Variants in EPHA4 observed in about 807,000 individuals in gnomAD.
EPHA4 encodes the protein ephrin type-A receptor 4.
In EPHA4, 19 loss-of-function variants were observed where a neutral mutation model predicts 108.3. The ratio of observed to expected loss-of-function variants is 0.18; its 90% CI spans 0.12 to 0.26. The LOEUF is 0.26. EPHA4 is among the 10% of genes least tolerant of loss of function. The pLI is 1.00. For synonymous variants in EPHA4, 449 were observed against 455.5 expected (o/e 0.99, Z 0.18); for missense variants, 917 against 1,254.0 (o/e 0.73, Z 4.06).
At chr2:221,436,354 C>T (rs773521217) in intron 13 of EPHA4, 45 bp downstream of exon 13, 9 of 1,570,626 alleles carry the variant, frequency 5.7e-6, no homozygotes, top group Non-Finnish European at 7.9e-6. Context: ...AAGAGAGGAA[C>T]AGTTTCACCA....
Position 221,456,750 on chromosome 2 carries a change from C to A in EPHA4, c.1466G>T (p.Arg489Leu). Residue 489 changes from arginine to leucine, a missense_variant, in exon 7 of 18, where the codon CGT becomes CTT. By Grantham distance (102) the Arg-to-Leu change is moderately radical (BLOSUM62 -2). Around this residue, in one of 3 missense-constraint regions of EPHA4, gnomAD observed 758 missense variants for 1,076.7 expected, o/e 0.70. Coordinates refer to ENST00000281821, the MANE Select transcript of EPHA4 (RefSeq NM_004438.5). ...YEKDQNERSY[R>L]IVRTAARNTD... is the part of the protein sequence containing the mutation. ...GTTCCTGGCAGCTGTCCGAACTATA[C>A]GATAGCTTCGCTCATTCTGATCCTA... is the stretch of plus-strand genomic sequence containing the variant. The A allele has an allele frequency of 6.2e-7, 1 of 1,613,762 alleles. No individual in the cohort carries two copies. Among genetic ancestry groups the A allele is most frequent in the Non-Finnish European group, 8.5e-7 (1 of 1,179,798 alleles).
Position 221,543,364 on chromosome 2 carries a change from A to T in EPHA4, c.823+20367T>A, listed in dbSNP as rs551900419. Among the ~76,000 whole-genome samples, 3 of 152,340 alleles carry T rather than the reference A, an allele frequency of 2.0e-5. No homozygotes were observed. In the East Asian group the frequency reaches 5.8e-4, roughly 29 times the overall value. On this transcript the variant is annotated intron_variant, in intron 3 of 17. Coordinates refer to ENST00000281821, the MANE Select transcript of EPHA4 (RefSeq NM_004438.5). ...GATCATGCTCCATGATCATTAACTC[A>T]TTTTGTGGTGTATATGTGTACATCA...
Position 221,442,889 on chromosome 2 carries a change from TG to T in EPHA4, c.2013del (p.Ser672AlafsTer24). 6.2e-7 allele frequency: 1 copy of T among 1,614,210 alleles called. No individual in the cohort carries two copies. The highest frequency in any genetic ancestry group is 8.5e-7 in the Non-Finnish European group (1 of 1,180,034). ...GGATGGTCAAACTGTCCCATGATGCTGGCCTCACTCAGGAAGTCTCTCCTCT... is the reference window on the plus strand; with the variant it reads ...GGATGGTCAAACTGTCCCATGATGCTGCCTCACTCAGGAAGTCTCTCCTCT... ...DKQRRDFLSE[A>X]SIMGQFDHPN... On this transcript the variant is annotated frameshift_variant, in exon 11 of 18. Coordinates refer to ENST00000281821, the MANE Select transcript of EPHA4 (RefSeq NM_004438.5). LOFTEE classifies it high-confidence loss of function.
chr2:221,435,129 TTAGG>T (rs1261360367), intron 13 of EPHA4, among the ~76,000 whole-genome samples: 1 of 152,182 alleles, frequency 6.6e-6, no homozygotes, highest in Non-Finnish European at 1.5e-5. Context: ...CTTTGCTTTC[TTAGG>T]TAGGGCTACG....
At chr2:221,515,336 C>T (rs1412299233) in intron 3 of EPHA4, among the ~76,000 whole-genome samples, 1 of 152,192 alleles carries the variant, frequency 6.6e-6, no homozygotes, top group Admixed American at 6.5e-5. Context: ...CTCAGGTGAT[C>T]TTCCCACCTC....
At chr2:221,472,653 T>A (rs1691524806) in intron 5 of EPHA4, among the ~76,000 whole-genome samples, 1 of 152,226 alleles carries the variant, frequency 6.6e-6, no homozygotes. Context: ...GAAAAAATTG[T>A]GTACTGGAAG....
intron 3 of EPHA4, among the ~76,000 whole-genome samples, chr2:221,536,169 C>T (rs1307262113): frequency 2.6e-5 from 4 of 152,182 alleles, no homozygotes; most frequent in Non-Finnish European, 5.9e-5. Context: ...TTAAGAGCTA[C>T]CGGGCACCCT....
Position 221,568,951 on chromosome 2 carries a change from C to CTTCT in EPHA4, c.92-170_92-167dup, listed in dbSNP as rs139550702. On this transcript the variant is annotated intron_variant, in intron 1 of 17. Transcript: ENST00000281821. ...TGTAAATAATCATTACTCATTTGAT[C>CTTCT]TTCTCCCCCTCTTTAAATCTGCAGG... Among the ~76,000 whole-genome samples the CTTCT allele has an allele frequency of 7.5e-4, 114 of 152,308 alleles. 2 individuals are homozygous for CTTCT. The highest frequency in any genetic ancestry group is 2.6e-3 in the African/African-American group (109 of 41,568).
intron 4 of EPHA4, among the ~76,000 whole-genome samples, chr2:221,491,218 A>C (rs1692132900): frequency 6.6e-6 from 1 of 152,168 alleles, no homozygotes; most frequent in Admixed American, 6.5e-5. Flanking sequence ...ATAAATTCTC[A>C]GTTATACACA....
At chr2:221,544,407 C>G (rs556872280) in intron 3 of EPHA4, among the ~76,000 whole-genome samples, 1 of 152,148 alleles carries the variant, frequency 6.6e-6, no homozygotes, top group Non-Finnish European at 1.5e-5. Context: ...CTCACTGCAA[C>G]CTCCACCTCC....
intron 4 of EPHA4, among the ~76,000 whole-genome samples, chr2:221,500,505 G>T (rs557060603): frequency 6.6e-6 from 1 of 152,340 alleles, no homozygotes; most frequent in South Asian, 2.1e-4. Flanking sequence ...TTTATTAAAT[G>T]CAATCATTAA....
intron 10 of EPHA4, 49 bp downstream of exon 10, chr2:221,443,444 A>G (rs755483898): frequency 4.5e-6 from 6 of 1,346,252 alleles, no homozygotes; most frequent in Non-Finnish European, 5.3e-6. Context: ...CATATTTAAC[A>G]TCCACCAAGA....
chr2:221,493,685 G>GGTAATTTTAAA (rs1275236398), intron 4 of EPHA4, among the ~76,000 whole-genome samples: 3 of 152,116 alleles, frequency 2.0e-5, no homozygotes, highest in Non-Finnish European at 2.9e-5. Flanking sequence ...GAACTGAAAT[G>GGTAATTTTAAA]GTAATTTTAA....
rs756424360 is a variant in EPHA4, at chr2:221,426,632, C to T, written c.2691-13G>A. 6.2e-7 allele frequency: 1 copy of T among 1,607,766 alleles called. No homozygotes were observed. Among genetic ancestry groups the T allele is most frequent in the East Asian group, 2.2e-5 (1 of 44,800 alleles). On this transcript the variant is annotated splice_polypyrimidine_tract_variant and intron_variant, in intron 15 of 17. Coordinates refer to ENST00000281821, the MANE Select transcript of EPHA4 (RefSeq NM_004438.5). Reference sequence around the variant, plus strand: ...GGCAGTGTTAGGTCTAGAAAGAGAACAAGAAAATATAAGCAGAACGGAGCT... The same window carrying T: ...GGCAGTGTTAGGTCTAGAAAGAGAATAAGAAAATATAAGCAGAACGGAGCT...
intron 5 of EPHA4, among the ~76,000 whole-genome samples, chr2:221,470,352 A>AGG (rs1451383824): frequency 6.6e-6 from 1 of 151,662 alleles, no homozygotes; most frequent in African/African-American, 2.4e-5. Flanking sequence ...AGAGAGAGAG[A>AGG]GAGAGAGAGA....
chr2:221,554,039 TAAG>T (rs371306415), intron 3 of EPHA4, among the ~76,000 whole-genome samples: 394 of 152,306 alleles, frequency 2.6e-3, no homozygotes, highest in African/African-American at 8.8e-3. Flanking sequence ...TGTAACTTAT[TAAG>T]AAGAGGTTAG....
intron 14 of EPHA4, among the ~76,000 whole-genome samples, chr2:221,432,269 G>T (rs960141040): frequency 2.0e-5 from 3 of 151,910 alleles, no homozygotes; most frequent in Admixed American, 1.3e-4. Context: ...TGATTTCAAC[G>T]GAAGAAAAAG....
Position 221,561,750 on chromosome 2 carries a change from C to T in EPHA4, c.823+1981G>A, listed in dbSNP as rs564702054. The stretch of plus-strand genomic sequence containing the variant: ...TGGTTGTAAAAATGTCAAGGAGTTT[C>T]ACAATGTAGCAATGTATGAGTTACT... On this transcript the variant is annotated intron_variant, in intron 3 of 17. Transcript: ENST00000281821. 2.0e-5 allele frequency among the ~76,000 whole-genome samples: 3 copies of T among 152,298 alleles called. No homozygotes were observed. In the South Asian group the frequency reaches 6.2e-4, roughly 32 times the overall value.
At chr2:221,475,378 TTC>T (rs1477136452) in intron 5 of EPHA4, among the ~76,000 whole-genome samples, 3 of 152,226 alleles carry the variant, frequency 2.0e-5, no homozygotes, top group Non-Finnish European at 4.4e-5. Flanking sequence ...TTAATTTTTT[TTC>T]TGAGTCAAAA....
Sources: gnomAD v4.1 joint callset for allele counts (sites outside exome capture counted in the v4.1 genomes callset) on GRCh38, gnomAD v4.1.1 for gene constraint, gnomAD v4.1.1 regional missense constraint, MANE v1.5 for transcripts, NCBI Gene and HGNC (gene_info 2026-07-23, HGNC 2026-07-21) for gene names.